MARCHF7: variants seen among roughly 807,000 people sequenced by gnomAD.
The protein encoded by MARCHF7 is membrane associated ring-CH-type finger 7.
A neutral mutation model predicts 76.5 loss-of-function variants in MARCHF7; 20 were observed. That is an observed-to-expected ratio of 0.26 (90% confidence interval 0.18 to 0.38). The LOEUF (loss-of-function observed/expected upper bound fraction) is 0.38, where lower values mean the gene tolerates loss of function less well. Among genes scored for constraint, MARCHF7 ranks in the 10% least tolerant of loss-of-function variants. The pLI, the probability that MARCHF7 is intolerant of heterozygous loss-of-function variation, is 1.00. For missense variants in MARCHF7, 797 were observed against 812.9 expected, an observed-to-expected ratio of 0.98 and a Z score of 0.24; for synonymous variants, 295 against 293.0, an observed-to-expected ratio of 1.01 and a Z score of -0.07.
intron 7 of MARCHF7, among the ~76,000 whole-genome samples, chr2:159,751,542 T>A (rs1416621365): frequency 1.3e-5 from 2 of 152,216 alleles, no homozygotes; most frequent in East Asian, 3.8e-4. Flanking sequence ...TCCTAGCGGC[T>A]GTATATCCAT....
At chr2:159,721,547 T>A (rs928876688) in intron 3 of MARCHF7, among the ~76,000 whole-genome samples, 2 of 152,352 alleles carry the variant, frequency 1.3e-5, no homozygotes, top group African/African-American at 4.8e-5. Context: ...AGAAACTTCA[T>A]CTCAGAAGTC....
intron 9 of MARCHF7, among the ~76,000 whole-genome samples, chr2:159,762,006 ACT>A (rs1200564461): frequency 6.6e-6 from 1 of 151,956 alleles, no homozygotes; most frequent in East Asian, 1.9e-4. Context: ...TTCTCATCTC[ACT>A]CTCCCTTGAG....
chr2:159,722,775 C>T (rs1022824605), intron 3 of MARCHF7, among the ~76,000 whole-genome samples: 2 of 152,116 alleles, frequency 1.3e-5, no homozygotes, highest in African/African-American at 4.8e-5. Flanking sequence ...CATGTAACAC[C>T]TACATTGTCA....
Position 159,743,203 on chromosome 2 carries a change from G to C in MARCHF7, c.296G>C (p.Cys99Ser), listed in dbSNP as rs768572998. ...AGACCTAAACTTTCCTGTACAAACT[G>C]TACTACCTCAGCTGGGAGAAATGTT... is the stretch of plus-strand genomic sequence containing the variant. Reference protein sequence around the residue: ...SKRPKLSCTNCTTSAGRNVGN... With the variant: ...SKRPKLSCTNSTTSAGRNVGN... Residue 99 changes from cysteine (C) to serine (S), a missense_variant, in exon 5 of 12, where the codon TGT becomes TCT. Physicochemically the swap from Cys to Ser is moderately radical, Grantham distance 112. Coordinates refer to ENST00000409175, the MANE Select transcript of MARCHF7 (RefSeq NM_001282805.2). The C allele has an allele frequency of 3.3e-5, 53 of 1,614,134 alleles. No individual in the cohort carries two copies. Among genetic ancestry groups the C allele is most frequent in the Non-Finnish European group, 4.4e-5 (52 of 1,180,010 alleles).
At chr2:159,766,618 C>G (rs1707790616) in intron 11 of MARCHF7, among the ~76,000 whole-genome samples, 1 of 152,096 alleles carries the variant, frequency 6.6e-6, no homozygotes, top group Non-Finnish European at 1.5e-5. Context: ...TCTTGAGCCA[C>G]TAGTGACTCT....
chr2:159,739,611 T>C (rs1703890969), intron 4 of MARCHF7, among the ~76,000 whole-genome samples: 1 of 152,196 alleles, frequency 6.6e-6, no homozygotes, highest in Admixed American at 6.5e-5. Context: ...GATAATACAT[T>C]GTTAAATGAA....
intron 3 of MARCHF7, among the ~76,000 whole-genome samples, chr2:159,723,254 C>A (rs902687568): frequency 6.6e-6 from 1 of 152,104 alleles, no homozygotes; most frequent in African/African-American, 2.4e-5. Context: ...TATGGACTTA[C>A]CAAATACGTA....
chr2:159,764,212 TTGTGTGTGTGTGTGTGTGTGTGTGTG>T (rs377705664), intron 10 of MARCHF7, among the ~76,000 whole-genome samples: 10 of 138,566 alleles, frequency 7.2e-5, no homozygotes, highest in African/African-American at 1.1e-4. Flanking sequence ...CTTGGGAGTT[TTGTGTGTGTGTGTGTGTGTGTGTGTG>T]TGTGTGTGTG....
intron 4 of MARCHF7, among the ~76,000 whole-genome samples, chr2:159,735,990 G>A (rs1703409134): frequency 6.6e-6 from 1 of 152,150 alleles, no homozygotes; most frequent in Admixed American, 6.5e-5. Flanking sequence ...AACCTGATAT[G>A]GTGGTGCACA....
chr2:159,749,607 C>G (rs1018411733), intron 7 of MARCHF7, among the ~76,000 whole-genome samples: 1 of 152,096 alleles, frequency 6.6e-6, no homozygotes, highest in African/African-American at 2.4e-5. Flanking sequence ...CTCCACCTCT[C>G]AAAGTACTGG....
chr2:159,720,187 C>T (rs113575907), intron 3 of MARCHF7, among the ~76,000 whole-genome samples: 40 of 152,138 alleles, frequency 2.6e-4, no homozygotes, highest in South Asian at 8.3e-4. Context: ...CACCATGCCC[C>T]GCTAATTTTT....
chr2:159,758,961 A>G (rs543083920), intron 8 of MARCHF7, among the ~76,000 whole-genome samples: 5 of 152,314 alleles, frequency 3.3e-5, no homozygotes, highest in East Asian at 3.9e-4. Flanking sequence ...TCAAGGATGT[A>G]TGAGTATCTG....
At chr2:159,733,674 A>C in intron 4 of MARCHF7, 1 of 985,426 alleles carries the variant, frequency 1.0e-6, no homozygotes, top group Non-Finnish European at 1.2e-6. Flanking sequence ...GGGGTAGGAC[A>C]TGATCAATTT....
intron 3 of MARCHF7, among the ~76,000 whole-genome samples, chr2:159,716,595 AT>A: frequency 6.6e-6 from 1 of 151,936 alleles, no homozygotes; most frequent in East Asian, 1.9e-4. Flanking sequence ...GGCTGCAGTG[AT>A]TGCACCACTG....
chr2:159,728,391 C>T (rs913268647), intron 3 of MARCHF7, among the ~76,000 whole-genome samples: 1 of 152,156 alleles, frequency 6.6e-6, no homozygotes, highest in East Asian at 1.9e-4. Flanking sequence ...CCTATTGTAT[C>T]CCAGGCAGTG....
chr2:159,733,862 G>C, intron 4 of MARCHF7: 1 of 1,194,254 alleles, frequency 8.4e-7, no homozygotes, highest in Non-Finnish European at 1.0e-6. Context: ...TAATATACTT[G>C]AGCTTAAGAA....
intron 5 of MARCHF7, 35 bp downstream of exon 5, chr2:159,743,288 T>A: frequency 2.5e-6 from 4 of 1,580,744 alleles, no homozygotes; most frequent in Non-Finnish European, 3.5e-6. Context: ...TTTAAGCCGT[T>A]TTTCTCCAGG....
At chr2:159,744,051 G>C (rs1460587581) in intron 5 of MARCHF7, among the ~76,000 whole-genome samples, 1 of 124,268 alleles carries the variant, frequency 8.0e-6, no homozygotes, top group Non-Finnish European at 1.6e-5. Flanking sequence ...GCAGTGGCGG[G>C]ATCTCGGCTC....
chr2:159,716,315 T>C (rs1254960145), intron 3 of MARCHF7, among the ~76,000 whole-genome samples: 2 of 151,536 alleles, frequency 1.3e-5, no homozygotes, highest in Non-Finnish European at 2.9e-5. Flanking sequence ...AATAATGAAA[T>C]AGTAACTGCG....
Sources: gnomAD v4.1 joint callset for allele counts (sites outside exome capture counted in the v4.1 genomes callset) on GRCh38, gnomAD v4.1.1 for gene constraint, MANE v1.5 for transcripts, NCBI Gene and HGNC (gene_info 2026-07-23, HGNC 2026-07-21) for gene names.